Variants in NLGN4X observed in about 807,000 individuals in gnomAD.
NLGN4X encodes neuroligin 4 X-linked.
NLGN4X carries 3 observed loss-of-function variants against 40.3 expected under a neutral mutation model. The ratio of observed to expected loss-of-function variants is 0.07; its 90% CI spans 0.03 to 0.19. The LOEUF is 0.19. NLGN4X is among the 10% of genes least tolerant of loss of function. NLGN4X has a pLI of 1.00. For missense variants in NLGN4X, 382 were observed against 708.3 expected (o/e 0.54, Z 5.23); for synonymous variants, 270 against 306.8 (o/e 0.88, Z 1.25).
chrX:6,008,080 A>G (rs532585023), intron 3 of NLGN4X, among the ~76,000 whole-genome samples: 1 of 112,044 alleles, frequency 8.9e-6, no homozygotes, highest in Middle Eastern at 4.6e-3. Flanking sequence ...TTCAGACTTT[A>G]TTTTTCTTCT....
At chrX:6,059,672 T>G (rs1312743044) in intron 2 of NLGN4X, among the ~76,000 whole-genome samples, 1 of 111,219 alleles carries the variant, frequency 9.0e-6, no homozygotes, top group Non-Finnish European at 1.9e-5. Context: ...TCACAATACC[T>G]AATGGATTGT....
In NLGN4X at chrX:5,890,853, G is replaced by A. The variant is rs2031123258; in HGVS notation, c.*1964C>T. 5 of 316,429 alleles carry A rather than the reference G, an allele frequency of 1.6e-5. No individual in the cohort carries two copies. Among genetic ancestry groups the A allele is most frequent in the South Asian group, 1.4e-4 (5 of 35,583 alleles). 26.1% of individuals were successfully genotyped at this position (316,429 alleles called of 1,213,427 possible). A position where few individuals can be genotyped will look rare whatever the true frequency, so the allele number is the denominator to read the frequency against. On this transcript the variant is annotated 3_prime_UTR_variant, in exon 6 of 6. Transcript: ENST00000381095. ...AAAAACACTTTTCTTTTTTCTAGAG[G>A]TCACTCTCAAACACTGATATATCAC...
chrX:6,054,383 G>C (rs1195208124), intron 2 of NLGN4X, among the ~76,000 whole-genome samples: 2 of 111,122 alleles, frequency 1.8e-5, no homozygotes, highest in African/African-American at 6.6e-5. Flanking sequence ...GGAAGAACTA[G>C]GTGGGAGGAT....
At position 6,188,416 on chromosome X, in the gene NLGN4X, T is replaced by C. The variant is rs138092171; in HGVS notation, c.-305-36645A>G. ...TCCCACTTTCTAAGTGGAAGGAGCATATCATAGAGATTGCGCGTGTATTTC... is the reference window on the plus strand; with the variant it reads ...TCCCACTTTCTAAGTGGAAGGAGCACATCATAGAGATTGCGCGTGTATTTC... On this transcript the variant is annotated intron_variant, in intron 1 of 5. Transcript: ENST00000381095. Among the ~76,000 whole-genome samples the C allele has an allele frequency of 8.9e-3, 992 of 111,918 alleles. 8 individuals carry two copies. The highest frequency in any genetic ancestry group is 0.031 in the African/African-American group (950 of 30,809).
intron 3 of NLGN4X, among the ~76,000 whole-genome samples, chrX:5,945,990 C>A (rs1172842903): frequency 9.0e-6 from 1 of 111,558 alleles, no homozygotes; most frequent in Admixed American, 9.6e-5. Flanking sequence ...TTCCAATGAT[C>A]ATTTAAAACA....
chrX:6,147,637 AG>A (rs1340790658), intron 2 of NLGN4X, among the ~76,000 whole-genome samples: 1 of 102,603 alleles, frequency 9.7e-6, no homozygotes, highest in African/African-American at 3.6e-5. Flanking sequence ...GTAGTCACTC[AG>A]TCACACTCTC....
Position 5,891,018 on chromosome X carries a change from A to G in NLGN4X, c.*1799T>C. The G allele has an allele frequency of 3.3e-6, 1 of 304,060 alleles. No individual in the cohort carries two copies. Among genetic ancestry groups the G allele is most frequent in the Non-Finnish European group, 6.2e-6 (1 of 161,184 alleles). 25.1% of individuals were successfully genotyped at this position (304,060 alleles called of 1,213,427 possible). Reference sequence around the variant, plus strand: ...TCTAGAATAACCCACAATGGAGCCGAGGAACATGATCTTCAAATATCTTTG... The same window carrying G: ...TCTAGAATAACCCACAATGGAGCCGGGGAACATGATCTTCAAATATCTTTG... On this transcript the variant is annotated 3_prime_UTR_variant, in exon 6 of 6. Transcript: ENST00000381095.
intron 2 of NLGN4X, among the ~76,000 whole-genome samples, chrX:6,050,378 A>G (rs2037452555): frequency 9.1e-6 from 1 of 110,232 alleles, no homozygotes; most frequent in African/African-American, 3.3e-5. Flanking sequence ...CTACCTACCT[A>G]CCTGTCTGTC....
At chrX:5,966,578 CTGT>C (rs1348542334) in intron 3 of NLGN4X, among the ~76,000 whole-genome samples, 1 of 112,403 alleles carries the variant, frequency 8.9e-6, no homozygotes, top group African/African-American at 3.2e-5. Context: ...ACCACTTTGC[CTGT>C]TATTATTAGT....
chrX:6,013,729 A>T (rs752785821), intron 3 of NLGN4X, among the ~76,000 whole-genome samples: 3 of 110,396 alleles, frequency 2.7e-5, no homozygotes, highest in Admixed American at 9.7e-5. Context: ...GTGGTGGTGC[A>T]TGTCTGTAGT....
intron 1 of NLGN4X, among the ~76,000 whole-genome samples, chrX:6,170,064 C>T (rs988857171): frequency 4.6e-5 from 5 of 108,404 alleles, no homozygotes; most frequent in African/African-American, 1.0e-4. Context: ...TTGAGTGCAG[C>T]GGTATAATCT....
chrX:5,937,650 T>C (rs1417558733), intron 3 of NLGN4X, among the ~76,000 whole-genome samples: 1 of 111,667 alleles, frequency 9.0e-6, no homozygotes, highest in African/African-American at 3.3e-5. Flanking sequence ...GGATCTGGGA[T>C]GCTTTTGCTT....
intron 4 of NLGN4X, among the ~76,000 whole-genome samples, chrX:5,906,512 T>TTATG (rs768356572): frequency 2.7e-5 from 3 of 110,674 alleles, no homozygotes; most frequent in Admixed American, 9.6e-5. Flanking sequence ...CTTTTTAATT[T>TTATG]TATGTATGTA....
chrX:5,925,881 CATATATATATATATATATATATATAT>C (rs55860509), intron 3 of NLGN4X, among the ~76,000 whole-genome samples: 1,515 of 19,502 alleles, frequency 0.078, 83 homozygotes, highest in African/African-American at 0.18. Flanking sequence ...TACATACACA[CATATATATATATATATATATATATAT>C]ATATATATAT....
At chrX:6,032,095 G>A (rs1410208972) in intron 2 of NLGN4X, among the ~76,000 whole-genome samples, 1 of 94,355 alleles carries the variant, frequency 1.1e-5, no homozygotes, top group Admixed American at 1.3e-4. Flanking sequence ...AGGCAGTCCT[G>A]AATGCATCAG....
rs777057046 is a variant in NLGN4X, at chrX:5,903,785, C to T, written c.893G>A (p.Arg298Gln). The part of the protein sequence containing the change: ...AVNYQPAKYT[R>Q]ILADKVGCNM... ...GCAGCCGACCTTGTCTGCCAATATC[C>T]GAGTGTACTTGGCCGGCTGGTAGTT... The change falls in exon 5 of 6, where the codon CGG becomes CAG. Residue 298 changes from arginine to glutamine, a missense_variant. By Grantham distance (43) the Arg-to-Gln change is conservative (BLOSUM62 1). Around this residue, in one of 5 missense-constraint regions of NLGN4X, gnomAD observed 29 missense variants for 32.1 expected, o/e 0.90. Coordinates refer to ENST00000381095, the MANE Select transcript of NLGN4X (RefSeq NM_181332.3). 6.6e-6 allele frequency: 8 copies of T among 1,210,079 alleles called. No individual in the cohort carries two copies. The highest frequency in any genetic ancestry group is 2.3e-4 in the Middle Eastern group (1 of 4,374).
At chrX:6,094,883 T>C (rs1193584840) in intron 2 of NLGN4X, among the ~76,000 whole-genome samples, 1 of 110,979 alleles carries the variant, frequency 9.0e-6, no homozygotes, top group Non-Finnish European at 1.9e-5. Flanking sequence ...AGTATGAAAT[T>C]GCCAAGTCAG....
rs183674818 is a variant in NLGN4X, at chrX:6,146,856, G to A, written c.472+4139C>T. 8.6e-3 allele frequency among the ~76,000 whole-genome samples: 952 copies of A among 110,668 alleles called. 3 individuals are homozygous for A. The highest frequency in any genetic ancestry group is 0.013 in the Non-Finnish European group (693 of 52,867). On this transcript the variant is annotated intron_variant, in intron 2 of 5. Transcript: ENST00000381095. Reference sequence around the variant, plus strand: ...GGCTGGAGTGCAGTGGTGCGATCTCGGCTCACTGCAACCTCCCTCCACCTC... The same window carrying A: ...GGCTGGAGTGCAGTGGTGCGATCTCAGCTCACTGCAACCTCCCTCCACCTC...
chrX:6,097,504 C>T (rs2147475757), intron 2 of NLGN4X, among the ~76,000 whole-genome samples: 1 of 111,609 alleles, frequency 9.0e-6, no homozygotes, highest in South Asian at 3.8e-4. Context: ...ACCCTAAACT[C>T]CACCTAGTTA....
Sources: allele counts gnomAD v4.1 joint callset (sites outside exome capture counted in the v4.1 genomes callset), GRCh38; gene constraint gnomAD v4.1.1; regional missense constraint gnomAD v4.1.1; transcripts MANE v1.5; gene names NCBI Gene and HGNC (gene_info 2026-07-23, HGNC 2026-07-21).